The following AFF2 variants were observed in gnomAD, a reference collection of about 807,000 sequenced individuals.
AFF2 encodes the protein AF4/FMR2 family member 2.
A neutral mutation model predicts 76.9 loss-of-function variants in AFF2; 14 were observed. The observed-to-expected ratio is 0.18, with a 90% confidence interval of 0.12 to 0.28. AFF2 has a LOEUF of 0.28. AFF2 is among the 10% of genes least tolerant of loss of function. The pLI, the probability that AFF2 is intolerant of heterozygous loss-of-function variation, is 1.00. For synonymous variants in AFF2, 398 were observed against 366.7 expected, an observed-to-expected ratio of 1.09 and a Z score of -0.98; for missense variants, 868 against 1,001.1, an observed-to-expected ratio of 0.87 and a Z score of 1.79.
chrX:148,910,540 C>T (rs1371804610), intron 9 of AFF2, among the ~76,000 whole-genome samples: 2 of 112,184 alleles, frequency 1.8e-5, no homozygotes, highest in African/African-American at 6.5e-5. Context: ...ACAAAAAATG[C>T]TTCTAGTTAA....
intron 7 of AFF2, among the ~76,000 whole-genome samples, chrX:148,875,502 G>T (rs918754536): frequency 2.7e-5 from 3 of 111,662 alleles, no homozygotes; most frequent in African/African-American, 9.8e-5. Context: ...ATATTAGTCT[G>T]TTTGTGTTCC....
intron 1 of AFF2, among the ~76,000 whole-genome samples, chrX:148,599,152 A>G (rs1242150489): frequency 8.9e-6 from 1 of 112,616 alleles, no homozygotes; most frequent in Non-Finnish European, 1.9e-5. Flanking sequence ...TGAAATGAAT[A>G]TAAGTTGTGT....
intron 7 of AFF2, among the ~76,000 whole-genome samples, chrX:148,863,831 G>T (rs1318727633): frequency 9.0e-6 from 1 of 111,698 alleles, no homozygotes; most frequent in African/African-American, 3.3e-5. Context: ...GTGAAGAAAT[G>T]TATATTTTCA....
At chrX:148,709,494 C>T (rs782158451) in intron 3 of AFF2, among the ~76,000 whole-genome samples, 32 of 112,214 alleles carry the variant, frequency 2.9e-4, no homozygotes, top group Non-Finnish European at 5.1e-4. Context: ...AAATTATAAT[C>T]GTACCTATCT....
intron 4 of AFF2, among the ~76,000 whole-genome samples, chrX:148,817,306 A>T (rs1368546224): frequency 8.9e-6 from 1 of 111,928 alleles, no homozygotes; most frequent in Non-Finnish European, 1.9e-5. Context: ...ATAACCTCAG[A>T]TACAGAGAAA....
chrX:148,614,625 C>A (rs2053765652), intron 1 of AFF2, among the ~76,000 whole-genome samples: 1 of 106,082 alleles, frequency 9.4e-6, no homozygotes, highest in Admixed American at 1.0e-4. Context: ...TCCTTCCTTT[C>A]TTTCTTTCTC....
chrX:148,927,045 A>G (rs1478056240), intron 9 of AFF2, among the ~76,000 whole-genome samples: 3 of 112,347 alleles, frequency 2.7e-5, no homozygotes, highest in Non-Finnish European at 5.6e-5. Flanking sequence ...ATGAATTCTC[A>G]TTATTGGTTT....
intron 1 of AFF2, among the ~76,000 whole-genome samples, chrX:148,618,960 T>A (rs782539808): frequency 2.7e-5 from 3 of 110,939 alleles, no homozygotes; most frequent in Non-Finnish European, 5.7e-5. Context: ...TGCCACTGAG[T>A]GAAGTTATGA....
At chrX:148,964,787 T>A (rs2072152360) in intron 13 of AFF2, among the ~76,000 whole-genome samples, 1 of 112,536 alleles carries the variant, frequency 8.9e-6, no homozygotes, top group Admixed American at 9.4e-5. Context: ...TTTTATTATA[T>A]GTGTGTTTTA....
intron 1 of AFF2, among the ~76,000 whole-genome samples, chrX:148,504,715 C>G (rs2052389016): frequency 8.9e-6 from 1 of 112,896 alleles, no homozygotes; most frequent in Admixed American, 9.3e-5. Context: ...CAGTTTTCTT[C>G]GACCTTGCGA....
At chrX:148,978,325 C>G (rs1200859215) in intron 17 of AFF2, 37 bp from the exon 18 acceptor site, 1 of 972,249 alleles carries the variant, frequency 1.0e-6, no homozygotes, top group African/African-American at 1.9e-5. Context: ...TTTCACTAAG[C>G]ACTGGCATTA....
chrX:148,842,876 T>C, intron 5 of AFF2, 90 bp from the exon 6 acceptor site: 1 of 738,405 alleles, frequency 1.4e-6, no homozygotes, highest in Admixed American at 3.3e-5. Context: ...CAAACATTAG[T>C]CAACTATATC....
intron 3 of AFF2, among the ~76,000 whole-genome samples, chrX:148,793,958 A>G (rs2069934205): frequency 8.9e-6 from 1 of 112,298 alleles, no homozygotes; most frequent in Non-Finnish European, 1.9e-5. Context: ...TTAGCTTTGC[A>G]TGTGAATGAT....
chrX:148,548,575 C>T, intron 1 of AFF2, among the ~76,000 whole-genome samples: 1 of 111,788 alleles, frequency 8.9e-6, no homozygotes, highest in East Asian at 2.8e-4. Flanking sequence ...GCTGGAATTA[C>T]AGGCATGTGC....
intron 4 of AFF2, among the ~76,000 whole-genome samples, chrX:148,825,761 T>A (rs934795832): frequency 4.6e-5 from 5 of 107,882 alleles, no homozygotes; most frequent in South Asian, 4.3e-4. Context: ...TTTTTTTTTT[T>A]AAATCATTTT....
intron 3 of AFF2, among the ~76,000 whole-genome samples, chrX:148,746,047 G>C (rs782013249): frequency 9.0e-6 from 1 of 111,673 alleles, no homozygotes; most frequent in South Asian, 3.8e-4. Context: ...CCAGCCCGTA[G>C]TGCATTATTG....
At chrX:148,810,982 G>A (rs1233932673) in intron 4 of AFF2, among the ~76,000 whole-genome samples, 3 of 111,483 alleles carry the variant, frequency 2.7e-5, no homozygotes, top group African/African-American at 6.5e-5. Context: ...AGAGCCAAAA[G>A]CTGTTTACCA....
intron 3 of AFF2, among the ~76,000 whole-genome samples, chrX:148,800,152 A>G (rs1355793599): frequency 4.5e-5 from 5 of 112,075 alleles, no homozygotes; most frequent in African/African-American, 6.5e-5. Flanking sequence ...GCTGGCGAGG[A>G]TTCAGTTCCC....
intron 3 of AFF2, among the ~76,000 whole-genome samples, chrX:148,719,575 G>A (rs1161944504): frequency 1.8e-5 from 2 of 111,619 alleles, no homozygotes; most frequent in Non-Finnish European, 3.8e-5. Flanking sequence ...GTCATTCTGA[G>A]ACTTCAGTAA....
Sources: gnomAD v4.1 joint callset for allele counts (sites outside exome capture counted in the v4.1 genomes callset) on GRCh38, gnomAD v4.1.1 for gene constraint, MANE v1.5 for transcripts, NCBI Gene and HGNC (gene_info 2026-07-23, HGNC 2026-07-21) for gene names.